ADARB2: variants seen among roughly 807,000 people sequenced by gnomAD.
The protein encoded by ADARB2 is adenosine deaminase RNA specific B2 (inactive), also known as inactive double-stranded RNA-specific editase B2.
ADARB2 carries 25 observed loss-of-function variants against 62.2 expected under a neutral mutation model. The observed-to-expected ratio is 0.40, with a 90% CI of 0.29 to 0.56. The LOEUF is 0.56. Among genes scored for constraint, ADARB2 ranks in the 20% least tolerant of loss-of-function variants. The pLI is 0.43. For synonymous variants in ADARB2, 572 were observed against 500.8 expected, an observed-to-expected ratio of 1.14 and a Z score of -1.90; for missense variants, 1,071 against 1,077.4, an observed-to-expected ratio of 0.99 and a Z score of 0.08.
intron 1 of ADARB2, among the ~76,000 whole-genome samples, chr10:1,703,225 G>T (rs1340258738): frequency 6.6e-6 from 1 of 152,200 alleles, no homozygotes. Flanking sequence ...CATGGGTGGA[G>T]GGCATGGGCA....
At chr10:1,541,472 C>T (rs1431358342) in intron 1 of ADARB2, among the ~76,000 whole-genome samples, 3 of 73,006 alleles carry the variant, frequency 4.1e-5, no homozygotes, top group African/African-American at 7.4e-5. Flanking sequence ...CACTCAGACG[C>T]AGTTCAGACC....
At chr10:1,498,396 A>AAAT (rs1222843013) in intron 1 of ADARB2, among the ~76,000 whole-genome samples, 10 of 151,682 alleles carry the variant, frequency 6.6e-5, no homozygotes, top group Admixed American at 3.9e-4. Context: ...ATAAATAAAT[A>AAAT]AATAAATAAA....
intron 7 of ADARB2, chr10:1,216,698 G>T: frequency 1.9e-6 from 1 of 537,582 alleles, no homozygotes; most frequent in Admixed American, 3.5e-5. Context: ...GGCCTTGCTC[G>T]GGGCTGTTTG....
Position 1,683,427 on chromosome 10 carries a change from A to T in ADARB2, c.100+53624T>A, listed in dbSNP as rs191656365. On this transcript the variant is annotated intron_variant, in intron 1 of 9. Transcript: ENST00000381312. ...TCTTAATTTATTCGAAAGGCAGAAG[A>T]AGTAGTGAGCTCGAAAGATTTTGCA... 5.3e-5 allele frequency among the ~76,000 whole-genome samples: 8 copies of T among 152,322 alleles called. No homozygotes were observed. In the South Asian group the frequency reaches 8.3e-4, roughly 16 times the overall value.
intron 1 of ADARB2, among the ~76,000 whole-genome samples, chr10:1,457,982 T>TCTTTTGCTAAC (rs1404667858): frequency 7.1e-6 from 1 of 141,716 alleles, no homozygotes; most frequent in Non-Finnish European, 1.5e-5. Flanking sequence ...ACCATTTGCC[T>TCTTTTGCTAAC]CATTGCTTAC....
Position 1,247,282 on chromosome 10 carries a change from C to G in ADARB2, c.1193-4983G>C, listed in dbSNP as rs754758395. ...CAATCATGTCATCTGCAAACAGAGACAATTTGACTTTCTCTTTTCCTAATT... is the reference window on the plus strand; with the variant it reads ...CAATCATGTCATCTGCAAACAGAGAGAATTTGACTTTCTCTTTTCCTAATT... On this transcript the variant is annotated intron_variant, in intron 4 of 9. Transcript: ENST00000381312. Among the ~76,000 whole-genome samples the G allele has an allele frequency of 8.7e-4, 133 of 152,318 alleles. 2 individuals are homozygous for G. The highest frequency in any genetic ancestry group is 6.9e-4 in the Non-Finnish European group (47 of 68,034).
chr10:1,602,158 T>C (rs984571453), intron 1 of ADARB2, among the ~76,000 whole-genome samples: 2 of 152,162 alleles, frequency 1.3e-5, no homozygotes, highest in African/African-American at 4.8e-5. Context: ...TGGGTTCTGC[T>C]GACTCCACAC....
At chr10:1,476,682 A>C (rs1831405282) in intron 1 of ADARB2, among the ~76,000 whole-genome samples, 2 of 152,292 alleles carry the variant, frequency 1.3e-5, no homozygotes, top group South Asian at 4.1e-4. Context: ...CAGATCAGAA[A>C]GGCCATCGGC....
chr10:1,243,321 A>G (rs1830945503), intron 4 of ADARB2, among the ~76,000 whole-genome samples: 1 of 152,264 alleles, frequency 6.6e-6, no homozygotes, highest in African/African-American at 2.4e-5. Context: ...AGTTACCTGT[A>G]AATACACGTC....
chr10:1,651,310 G>A (rs913723752), intron 1 of ADARB2, among the ~76,000 whole-genome samples: 4 of 152,236 alleles, frequency 2.6e-5, no homozygotes, highest in African/African-American at 4.8e-5. Context: ...CTGGCTCGGC[G>A]AAGGCCCCAT....
At chr10:1,458,335 G>C (rs1231436585) in intron 1 of ADARB2, among the ~76,000 whole-genome samples, 1 of 151,250 alleles carries the variant, frequency 6.6e-6, no homozygotes, top group Non-Finnish European at 1.5e-5. Context: ...AGGAGAAGAA[G>C]GAAAGGTCCC....
chr10:1,443,596 C>G (rs1830928345), intron 1 of ADARB2, among the ~76,000 whole-genome samples: 1 of 152,096 alleles, frequency 6.6e-6, no homozygotes, highest in African/African-American at 2.4e-5. Flanking sequence ...TTTCTAGTCA[C>G]CATTTTAATG....
At chr10:1,450,086 GA>G (rs1193602663) in intron 1 of ADARB2, among the ~76,000 whole-genome samples, 1 of 152,212 alleles carries the variant, frequency 6.6e-6, no homozygotes, top group African/African-American at 2.4e-5. Flanking sequence ...CTCCTGGGAA[GA>G]GCTTCCCGAG....
At chr10:1,314,645 G>A (rs573324580) in intron 3 of ADARB2, among the ~76,000 whole-genome samples, 7 of 152,202 alleles carry the variant, frequency 4.6e-5, no homozygotes, top group Non-Finnish European at 8.8e-5. Context: ...TACGGCATGC[G>A]AAGGTGCAGA....
Position 1,304,024 on chromosome 10 carries a change from C to A in ADARB2, c.1078-32955G>T, listed in dbSNP as rs1321044621. The stretch of plus-strand genomic sequence containing the variant: ...GACAGGATCAAATTCACACATAACA[C>A]TATTAACTTTAAATGTAAATGGACT... On this transcript the variant is annotated intron_variant, in intron 3 of 9. Coordinates refer to ENST00000381312, the MANE Select transcript of ADARB2 (RefSeq NM_018702.4). Among the ~76,000 whole-genome samples, 459 of 151,174 alleles carry A rather than the reference C, an allele frequency of 3.0e-3. 4 individuals are homozygous for A. Among genetic ancestry groups the A allele is most frequent in the African/African-American group, 9.8e-3 (402 of 41,174 alleles).
intron 3 of ADARB2, among the ~76,000 whole-genome samples, chr10:1,305,271 C>T (rs1227355311): frequency 6.7e-6 from 1 of 149,036 alleles, no homozygotes; most frequent in African/African-American, 2.4e-5. Flanking sequence ...ATAATACAAA[C>T]ACCTCTACGC....
intron 3 of ADARB2, among the ~76,000 whole-genome samples, chr10:1,324,544 T>C (rs1831825986): frequency 6.6e-6 from 1 of 152,230 alleles, no homozygotes; most frequent in Admixed American, 6.5e-5. Flanking sequence ...TGTGGAATAC[T>C]ACTCAGCAAT....
intron 1 of ADARB2, among the ~76,000 whole-genome samples, chr10:1,600,104 C>T (rs189920805): frequency 7.9e-5 from 12 of 152,220 alleles, no homozygotes; most frequent in African/African-American, 2.6e-4. Flanking sequence ...GAGGACTCCA[C>T]GTGACAATGC....
At chr10:1,243,410 C>G (rs1485146638) in intron 4 of ADARB2, among the ~76,000 whole-genome samples, 1 of 152,112 alleles carries the variant, frequency 6.6e-6, no homozygotes, top group Non-Finnish European at 1.5e-5. Flanking sequence ...TAAATAAAAT[C>G]GACTAATTAA....
Sources: gnomAD v4.1 joint callset for allele counts (sites outside exome capture counted in the v4.1 genomes callset) on GRCh38, gnomAD v4.1.1 for gene constraint, MANE v1.5 for transcripts, NCBI Gene and HGNC (gene_info 2026-07-23, HGNC 2026-07-21) for gene names.